Variants in ABCG8 observed in about 807,000 individuals in gnomAD.
The protein encoded by ABCG8 is ATP-binding cassette sub-family G member 8.
ABCG8 carries 81 observed loss-of-function variants against 71.3 expected under a neutral mutation model. The observed-to-expected ratio is 1.14, with a 90% CI of 0.95 to 1.37. ABCG8 has a LOEUF of 1.37. ABCG8 is among the 40% of genes most tolerant of loss of function. The probability of loss-of-function intolerance (pLI) is 0.00; values close to 1 mark genes in which losing one functional copy is unlikely to be tolerated. For synonymous variants in ABCG8, 451 were observed against 354.7 expected (o/e 1.27, Z -3.05); for missense variants, 1,119 against 866.2 (o/e 1.29, Z -3.66).
intron 6 of ABCG8, among the ~76,000 whole-genome samples, chr2:43,863,817 G>A (rs1470572404): frequency 1.3e-5 from 2 of 151,480 alleles, no homozygotes; most frequent in East Asian, 3.9e-4. Context: ...TACCTGTCTG[G>A]ATAGAATTCT....
At chr2:43,861,772 A>T (rs1039686754) in intron 6 of ABCG8, among the ~76,000 whole-genome samples, 1 of 150,960 alleles carries the variant, frequency 6.6e-6, no homozygotes. Flanking sequence ...CACTATCCGG[A>T]TAGAAATTTC....
chr2:43,846,032 T>C, intron 2 of ABCG8, 123 bp from the exon 3 acceptor site: 1 of 1,007,184 alleles, frequency 9.9e-7, no homozygotes, highest in Non-Finnish European at 1.6e-6. Context: ...GCCTATTGTG[T>C]GTAGGTGAGG....
intron 6 of ABCG8, among the ~76,000 whole-genome samples, chr2:43,862,060 C>G (rs763832364): frequency 6.4e-4 from 97 of 151,372 alleles, no homozygotes; most frequent in Non-Finnish European, 1.1e-3. Flanking sequence ...AGAACTCTCA[C>G]TAACTGGATA....
chr2:43,841,777 G>T (rs948477971), intron 1 of ABCG8, among the ~76,000 whole-genome samples: 1 of 152,102 alleles, frequency 6.6e-6, no homozygotes, highest in Admixed American at 6.6e-5. Context: ...GCACCACACA[G>T]TGGAACCCAG....
At chr2:43,852,994 A>G (rs942117499) in intron 6 of ABCG8, 126 bp downstream of exon 6, 2 of 1,195,542 alleles carry the variant, frequency 1.7e-6, no homozygotes, top group African/African-American at 3.3e-5. Context: ...AGGAGGAGCA[A>G]TGATGGGGAA....
intron 6 of ABCG8, among the ~76,000 whole-genome samples, chr2:43,864,927 C>T (rs4603816): frequency 0.81 from 122,471 of 151,588 alleles, 49,980 homozygotes; most frequent in East Asian, 0.99. Flanking sequence ...TAACTCTCTG[C>T]ATATAACTCT....
At chr2:43,839,631 T>C (rs1668500531) in intron 1 of ABCG8, among the ~76,000 whole-genome samples, 1 of 151,968 alleles carries the variant, frequency 6.6e-6, no homozygotes, top group Non-Finnish European at 1.5e-5. Flanking sequence ...TTCACCATGT[T>C]GGTCAGGCTC....
At chr2:43,846,491 G>A (rs1668747853) in intron 3 of ABCG8, 180 bp downstream of exon 3, 1 of 879,760 alleles carries the variant, frequency 1.1e-6, no homozygotes, top group East Asian at 2.8e-5. Context: ...TCCTCCATTT[G>A]CTGGCTTGAG....
intron 8 of ABCG8, among the ~76,000 whole-genome samples, chr2:43,872,989 G>T (rs745406522): frequency 9.2e-5 from 14 of 151,974 alleles, no homozygotes; most frequent in Admixed American, 2.0e-4. Flanking sequence ...AACGTAGCGG[G>T]ATCATACTCT....
intron 6 of ABCG8, among the ~76,000 whole-genome samples, chr2:43,870,287 T>C (rs1669717012): frequency 6.7e-6 from 1 of 150,046 alleles, no homozygotes; most frequent in Admixed American, 6.6e-5. Context: ...CTGGATAGAA[T>C]TCTCACTATC....
In ABCG8 at chr2:43,875,372, T is replaced by C. The variant is rs769576789; in HGVS notation, c.1715T>C (p.Leu572Pro). The C allele has an allele frequency of 7.3e-5, 118 of 1,613,958 alleles. No individual in the cohort carries two copies. Among genetic ancestry groups the C allele is most frequent in the Middle Eastern group, 3.3e-4 (2 of 6,082 alleles). ...FSNALYNSFY[L>P]AGGFMINLSS... ...AATGCCCTCTACAACTCCTTCTACC[T>C]CGCCGGGGGCTTCATGATAAACTTG... The change falls in exon 11 of 13, where the codon CTC becomes CCC. Residue 572 changes from leucine (L) to proline (P), a missense_variant. By Grantham distance (98) the Leu-to-Pro change is moderately conservative (BLOSUM62 -3). Coordinates refer to ENST00000272286, the MANE Select transcript of ABCG8 (RefSeq NM_022437.3).
At chr2:43,857,306 C>T (rs1669145714) in intron 6 of ABCG8, among the ~76,000 whole-genome samples, 1 of 151,748 alleles carries the variant, frequency 6.6e-6, no homozygotes, top group African/African-American at 2.4e-5. Context: ...GTAGAATTCT[C>T]ACTATCTGCA....
At chr2:43,873,496 C>G (rs184741276) in intron 8 of ABCG8, among the ~76,000 whole-genome samples, 6 of 152,020 alleles carry the variant, frequency 3.9e-5, no homozygotes, top group Non-Finnish European at 1.5e-5. Context: ...CCAGCCTGTC[C>G]GTACATCTTT....
At position 43,874,424 on chromosome 2, in the gene ABCG8, A is replaced by G. The variant is rs373012474; in HGVS notation, c.1429A>G (p.Met477Val). ...CTTTTTAGGTTACTCAGAGAGGGCA[A>G]TGCTTTACTATGAACTGGAAGACGG... Reference protein sequence around the residue: ...VISKCYSERAMLYYELEDGLY... With the variant: ...VISKCYSERAVLYYELEDGLY... Residue 477 changes from methionine (M) to valine (V), a missense_variant, in exon 10 of 13, where the codon ATG becomes GTG. Transcript: ENST00000272286. 6.2e-6 allele frequency: 10 copies of G among 1,612,978 alleles called. No homozygotes were observed. The highest frequency in any genetic ancestry group is 7.6e-6 in the Non-Finnish European group (9 of 1,179,140).
intron 10 of ABCG8, among the ~76,000 whole-genome samples, 157 bp downstream of exon 10, chr2:43,874,640 T>G (rs1189544135): frequency 6.6e-6 from 1 of 152,198 alleles, no homozygotes; most frequent in South Asian, 2.1e-4. Flanking sequence ...TAGGGGAGTT[T>G]CAGAGACTTG....
At chr2:43,843,462 G>A (rs1668643240) in intron 1 of ABCG8, among the ~76,000 whole-genome samples, 2 of 152,172 alleles carry the variant, frequency 1.3e-5, no homozygotes, top group South Asian at 2.1e-4. Context: ...GCTGAGGTGG[G>A]TGGATCACTT....
Position 43,852,679 on chromosome 2 carries a change from GC to G in ABCG8, c.777del (p.Gly261AlafsTer25). 6.2e-7 allele frequency: 1 copy of G among 1,614,152 alleles called. No homozygotes were observed. Among genetic ancestry groups the G allele is most frequent in the Non-Finnish European group, 8.5e-7 (1 of 1,180,028 alleles). The stretch of plus-strand genomic sequence containing the variant: ...CCTGGTGAAGACCTTGTCCAGGCTG[GC>G]CAAAGGCAACCGGCTGGTGCTCATC... ...HNLVKTLSRL[A>X]KGNRLVLISL... is the part of the protein sequence containing the mutation. On this transcript the variant is annotated frameshift_variant, in exon 6 of 13. Transcript: ENST00000272286. LOFTEE classifies it high-confidence loss of function.
At position 43,877,919 on chromosome 2, in the gene ABCG8, G is replaced by A. The variant is rs1296583671; in HGVS notation, c.*6G>A. 2 of 1,614,070 alleles carry A rather than the reference G, an allele frequency of 1.2e-6. No individual in the cohort carries two copies. The highest frequency in any genetic ancestry group is 1.7e-6 in the Non-Finnish European group (2 of 1,180,026). ...AACCAAGTCAAGACTGGTGATTCAC[G>A]CCAGACGTCTGCCCGCTGGTGGGGG... On this transcript the variant is annotated 3_prime_UTR_variant, in exon 13 of 13. Transcript: ENST00000272286.
intron 10 of ABCG8, among the ~76,000 whole-genome samples, chr2:43,874,863 T>C (rs1417872913): frequency 6.6e-6 from 1 of 152,184 alleles, no homozygotes; most frequent in Non-Finnish European, 1.5e-5. Context: ...CTACTTGATC[T>C]GGTCAGGGGG....
Sources: gnomAD v4.1 joint callset for allele counts (sites outside exome capture counted in the v4.1 genomes callset) on GRCh38, gnomAD v4.1.1 for gene constraint, MANE v1.5 for transcripts, NCBI Gene and HGNC (gene_info 2026-07-23, HGNC 2026-07-21) for gene names.